Variants in NKAIN2 observed in about 807,000 individuals in gnomAD.
NKAIN2 encodes sodium/potassium transporting ATPase interacting 2, also known as sodium/potassium-transporting ATPase subunit beta-1-interacting protein 2.
NKAIN2 carries 14 observed loss-of-function variants against 32.6 expected under a neutral mutation model. The observed-to-expected ratio is 0.43, with a 90% confidence interval of 0.28 to 0.67. The LOEUF is 0.67. Ranked by LOEUF, NKAIN2 falls within the 30% of genes least tolerant of loss-of-function variation. NKAIN2 has a pLI of 0.17. For synonymous variants in NKAIN2, 80 were observed against 87.2 expected, an observed-to-expected ratio of 0.92 and a Z score of 0.46; for missense variants, 198 against 258.3, an observed-to-expected ratio of 0.77 and a Z score of 1.60.
At chr6:124,601,136 T>C (rs367742838) in intron 3 of NKAIN2, among the ~76,000 whole-genome samples, 1 of 152,068 alleles carries the variant, frequency 6.6e-6, no homozygotes, top group African/African-American at 2.4e-5. Flanking sequence ...GCTCTATGCA[T>C]AAGGCTGTGT....
At chr6:124,309,496 A>C (rs1038087320) in intron 2 of NKAIN2, among the ~76,000 whole-genome samples, 2 of 152,140 alleles carry the variant, frequency 1.3e-5, no homozygotes, top group Non-Finnish European at 2.9e-5. Context: ...TTTTAAATAG[A>C]TAAAACCTAC....
At chr6:124,495,324 T>C (rs1357591027) in intron 3 of NKAIN2, among the ~76,000 whole-genome samples, 1 of 152,154 alleles carries the variant, frequency 6.6e-6, no homozygotes, top group Non-Finnish European at 1.5e-5. Flanking sequence ...TTTGCTTCTA[T>C]ATATTTCTAA....
chr6:124,485,170 A>G (rs1382458293), intron 3 of NKAIN2, among the ~76,000 whole-genome samples: 2 of 152,136 alleles, frequency 1.3e-5, no homozygotes, highest in Non-Finnish European at 2.9e-5. Flanking sequence ...ATGGGCCAGG[A>G]CCAGCAGCAG....
intron 1 of NKAIN2, among the ~76,000 whole-genome samples, chr6:124,250,914 T>C (rs976080139): frequency 6.6e-6 from 1 of 152,014 alleles, no homozygotes; most frequent in Non-Finnish European, 1.5e-5. Context: ...ATCTAAGGAC[T>C]TGGTATCATC....
intron 3 of NKAIN2, among the ~76,000 whole-genome samples, chr6:124,412,487 C>T (rs558800654): frequency 8.5e-5 from 13 of 152,260 alleles, no homozygotes; most frequent in East Asian, 1.9e-4. Flanking sequence ...TGCAGAACAG[C>T]GGATATTGGT....
At chr6:124,347,296 T>C (rs949360192) in intron 2 of NKAIN2, among the ~76,000 whole-genome samples, 7 of 152,130 alleles carry the variant, frequency 4.6e-5, no homozygotes, top group African/African-American at 1.7e-4. Context: ...CTTTGGTGAA[T>C]CTGACAATTA....
intron 3 of NKAIN2, among the ~76,000 whole-genome samples, chr6:124,486,205 G>A (rs1158980222): frequency 6.6e-6 from 1 of 152,106 alleles, no homozygotes; most frequent in Admixed American, 6.6e-5. Context: ...AACTCTTGTT[G>A]GCTGAAAGAA....
intron 3 of NKAIN2, among the ~76,000 whole-genome samples, chr6:124,431,251 T>A (rs2114565062): frequency 6.6e-6 from 1 of 152,268 alleles, no homozygotes; most frequent in East Asian, 1.9e-4. Context: ...CCCTCTTCTC[T>A]ATTTACTCGT....
intron 1 of NKAIN2, among the ~76,000 whole-genome samples, chr6:124,023,145 A>G (rs1780950026): frequency 6.6e-6 from 1 of 151,330 alleles, no homozygotes; most frequent in Non-Finnish European, 1.5e-5. Flanking sequence ...AGCAACCTCT[A>G]CTAGCATACC....
chr6:124,533,209 C>T (rs1414923880), intron 3 of NKAIN2, among the ~76,000 whole-genome samples: 1 of 152,060 alleles, frequency 6.6e-6, no homozygotes, highest in Non-Finnish European at 1.5e-5. Flanking sequence ...CCTACTCTGC[C>T]ATATTCTCAC....
At chr6:123,994,932 G>T (rs960611432) in intron 1 of NKAIN2, among the ~76,000 whole-genome samples, 2 of 152,158 alleles carry the variant, frequency 1.3e-5, no homozygotes, top group Non-Finnish European at 1.5e-5. Context: ...GCATATATGA[G>T]GGGGAGCTCA....
chr6:124,408,722 A>G (rs1773995266), intron 3 of NKAIN2, among the ~76,000 whole-genome samples: 1 of 152,124 alleles, frequency 6.6e-6, no homozygotes, highest in African/African-American at 2.4e-5. Flanking sequence ...AGTTTTTTCC[A>G]ATTCTGTGAA....
chr6:124,215,419 G>C (rs566315653), intron 1 of NKAIN2, among the ~76,000 whole-genome samples: 5 of 151,842 alleles, frequency 3.3e-5, no homozygotes, highest in Admixed American at 2.0e-4. Context: ...CAATATGATG[G>C]GCCCAATCCT....
intron 1 of NKAIN2, among the ~76,000 whole-genome samples, chr6:124,191,237 C>T (rs1790005478): frequency 6.6e-6 from 1 of 152,148 alleles, no homozygotes; most frequent in Non-Finnish European, 1.5e-5. Context: ...TCTTCCATTT[C>T]ATGAATTTGG....
At chr6:124,335,171 A>G (rs910808158) in intron 2 of NKAIN2, among the ~76,000 whole-genome samples, 6 of 152,234 alleles carry the variant, frequency 3.9e-5, no homozygotes, top group Non-Finnish European at 5.9e-5. Context: ...AATCTTTTTT[A>G]TATAAAAGCA....
chr6:124,555,058 TA>T (rs771126595), intron 3 of NKAIN2, among the ~76,000 whole-genome samples: 2 of 152,202 alleles, frequency 1.3e-5, no homozygotes, highest in Non-Finnish European at 2.9e-5. Flanking sequence ...CAACTCCAGT[TA>T]AACCTTCAGA....
At chr6:124,169,371 G>A (rs866305712) in intron 1 of NKAIN2, among the ~76,000 whole-genome samples, 59 of 152,092 alleles carry the variant, frequency 3.9e-4, no homozygotes, top group African/African-American at 1.2e-3. Flanking sequence ...TGCAATCAAA[G>A]TAGATAAAGA....
chr6:124,367,315 T>G (rs1799563400), intron 3 of NKAIN2, among the ~76,000 whole-genome samples: 1 of 152,178 alleles, frequency 6.6e-6, no homozygotes, highest in Non-Finnish European at 1.5e-5. Flanking sequence ...GTCAGGCATA[T>G]GAACAATGCT....
intron 1 of NKAIN2, among the ~76,000 whole-genome samples, chr6:124,208,541 T>G (rs73770361): frequency 6.6e-6 from 1 of 151,766 alleles, no homozygotes; most frequent in African/African-American, 2.4e-5. Context: ...AGTTAAAAAT[T>G]TAAGCAATTC....
Sources: allele counts gnomAD v4.1 joint callset (sites outside exome capture counted in the v4.1 genomes callset), GRCh38; gene constraint gnomAD v4.1.1; transcripts MANE v1.5; gene names NCBI Gene and HGNC (gene_info 2026-07-23, HGNC 2026-07-21).